CCNC: variants seen among roughly 807,000 people sequenced by gnomAD.
CCNC encodes the protein cyclin-C.
Under a neutral mutation model 50.0 loss-of-function variants are expected in CCNC, and 19 were observed. The ratio of observed to expected loss-of-function variants is 0.38; its 90% CI spans 0.27 to 0.56. CCNC has a LOEUF of 0.56. CCNC is among the 20% of genes least tolerant of loss of function. CCNC has a pLI of 0.72. For synonymous variants in CCNC, 93 were observed against 103.7 expected (o/e 0.90, Z 0.63); for missense variants, 200 against 327.1 (o/e 0.61, Z 3.00).
At chr6:99,544,474 C>T (rs796213175) in intron 11 of CCNC, among the ~76,000 whole-genome samples, 9 of 152,156 alleles carry the variant, frequency 5.9e-5, no homozygotes, top group African/African-American at 2.2e-4. Context: ...CTTTTTCTCC[C>T]TGCCCCAAAT....
In CCNC at chr6:99,545,242, T is replaced by A; in HGVS notation, c.679-12A>T. On this transcript the variant is annotated splice_polypyrimidine_tract_variant and intron_variant, in intron 10 of 11. Coordinates refer to ENST00000520429, the MANE Select transcript of CCNC (RefSeq NM_005190.4). ...ATTATTTCCAAAATCTAGAAGAAAA[T>A]ATTTGAAAAGTTCTCAGTGGCAAAA... 6.9e-7 allele frequency: 1 copy of A among 1,454,062 alleles called. No homozygotes were observed. The allele number at this position is 1,454,062 out of a possible 1,614,324, so 90.1% of individuals were successfully genotyped here.
chr6:99,546,788 A>T (rs1802089522), intron 9 of CCNC, among the ~76,000 whole-genome samples: 1 of 152,250 alleles, frequency 6.6e-6, no homozygotes, highest in African/African-American at 2.4e-5. Context: ...ATCCCTGAGT[A>T]GTGTACAAAG....
chr6:99,558,197 A>G (rs989559709), intron 5 of CCNC: 1 of 392,354 alleles, frequency 2.5e-6, no homozygotes, highest in Non-Finnish European at 4.5e-6. Context: ...AAAATACAAT[A>G]AAATTCGGAA....
chr6:99,563,090 G>A, intron 1 of CCNC, 142 bp from the exon 2 acceptor site: 1 of 607,722 alleles, frequency 1.6e-6, no homozygotes, highest in Non-Finnish European at 2.9e-6. Context: ...CTTGAAACGT[G>A]ACTAATAAGA....
upstream of CCNC, chr6:99,568,709 A>G (rs1295016887): frequency 2.8e-6 from 4 of 1,453,956 alleles, no homozygotes; most frequent in Middle Eastern, 1.9e-4. Flanking sequence ...CCGGCCGACA[A>G]CACTCAACTG....
At chr6:99,561,516 G>A in intron 3 of CCNC, 80 bp from the exon 4 acceptor site, 7 of 1,334,190 alleles carry the variant, frequency 5.2e-6, no homozygotes, top group Non-Finnish European at 7.4e-6. Context: ...CTCTATGGTA[G>A]ACACATGATT....
Position 99,551,906 on chromosome 6 carries a change from TAAA to T in CCNC, c.347-14_347-12del, listed in dbSNP as rs370442761. 1 of 1,325,994 alleles carries T rather than the reference TAAA, an allele frequency of 7.5e-7. No homozygotes were observed. The highest frequency in any genetic ancestry group is 2.8e-5 in the East Asian group (1 of 35,832). 82.1% of individuals were successfully genotyped at this position (1,325,994 alleles called of 1,614,324 possible). A position where few individuals can be genotyped will look rare whatever the true frequency, so the allele number is the denominator to read the frequency against. The stretch of plus-strand genomic sequence containing the variant: ...AAAATCTAGTTTTTACTGCAGAAAA[TAAA>T]AAAAAAATTTAAACTGAGAAAATGG... On this transcript the variant is annotated splice_polypyrimidine_tract_variant and intron_variant, in intron 5 of 11. Coordinates refer to ENST00000520429, the MANE Select transcript of CCNC (RefSeq NM_005190.4).
rs56223909 is a variant in CCNC at position 99,551,149 on chromosome 6, T to G, written c.403-121A>C. 1.5e-3 allele frequency: 636 copies of G among 425,662 alleles called. 1 individual carries two copies. Among genetic ancestry groups the G allele is most frequent in the Admixed American group, 2.5e-3 (52 of 20,530 alleles). The allele number at this position is 425,662 out of a possible 1,614,324, so 26.4% of individuals were successfully genotyped here. A position where few individuals can be genotyped will look rare whatever the true frequency, so the allele number is the denominator to read the frequency against. On this transcript the variant is annotated intron_variant, in intron 6 of 11. Transcript: ENST00000520429. Reference sequence around the variant, plus strand: ...TATCAAAAATTTTTACTAAAAAGTTTTAAAAATCCAGACAATAAACATAGT... The same window carrying G: ...TATCAAAAATTTTTACTAAAAAGTTGTAAAAATCCAGACAATAAACATAGT...
At chr6:99,559,633 A>G (rs796419884) in intron 4 of CCNC, among the ~76,000 whole-genome samples, 15 of 137,084 alleles carry the variant, frequency 1.1e-4, no homozygotes, top group African/African-American at 4.2e-4. Context: ...GAAAATACAG[A>G]AAGATTTGGT....
chr6:99,562,056 C>T (rs1260610566), intron 2 of CCNC: 1 of 153,782 alleles, frequency 6.5e-6, no homozygotes, highest in Non-Finnish European at 1.4e-5. Context: ...CTTGTTAATA[C>T]TACCACTTTT....
chr6:99,546,367 CCAAGTTTACATA>C lies in CCNC; in HGVS notation c.678+16_678+27del. 1 of 1,456,824 alleles carries C rather than the reference CCAAGTTTACATA, an allele frequency of 6.9e-7. No homozygotes were observed. The highest frequency in any genetic ancestry group is 9.6e-7 in the Non-Finnish European group (1 of 1,038,186). 90.2% of individuals were successfully genotyped at this position (1,456,824 alleles called of 1,614,324 possible). On this transcript the variant is annotated intron_variant, in intron 10 of 11. Transcript: ENST00000520429. ...AAATATGACATTAATTTTTAAACATCCAAGTTTACATACAACTAAGGGAATACCTTTTCCATA... is the reference window on the plus strand; with the variant it reads ...AAATATGACATTAATTTTTAAACATCCAACTAAGGGAATACCTTTTCCATA...
chr6:99,550,888 G>A, intron 7 of CCNC, 105 bp downstream of exon 7: 2 of 516,794 alleles, frequency 3.9e-6, no homozygotes, highest in South Asian at 3.4e-5. Context: ...CATATTAGGT[G>A]GATGGTTTTA....
At chr6:99,561,096 T>C (rs1307669526) in intron 4 of CCNC, among the ~76,000 whole-genome samples, 4 of 152,228 alleles carry the variant, frequency 2.6e-5, no homozygotes, top group Non-Finnish European at 5.9e-5. Flanking sequence ...TCTTCATCTC[T>C]GTCTCAGTTT....
At chr6:99,544,072 A>G in intron 11 of CCNC, 5 of 1,322,864 alleles carry the variant, frequency 3.8e-6, no homozygotes, top group Non-Finnish European at 4.9e-6. Context: ...ATATATAAAT[A>G]CAGCAAACCT....
chr6:99,545,828 A>G (rs923436793), intron 10 of CCNC, among the ~76,000 whole-genome samples: 1 of 152,216 alleles, frequency 6.6e-6, no homozygotes, highest in African/African-American at 2.4e-5. Flanking sequence ...AGTAGTATTC[A>G]GTGGTTACCA....
chr6:99,562,414 A>C (rs776571906), intron 2 of CCNC: 15 of 153,084 alleles, frequency 9.8e-5, no homozygotes, highest in Non-Finnish European at 2.0e-4. Context: ...AGTGAACCGA[A>C]AGTTAAAAAA....
intron 1 of CCNC, among the ~76,000 whole-genome samples, chr6:99,565,965 G>A (rs1769103025): frequency 6.6e-6 from 1 of 151,902 alleles, no homozygotes; most frequent in Admixed American, 6.6e-5. Flanking sequence ...TCTTCTTTCT[G>A]TATGAAATGG....
Position 99,545,209 on chromosome 6 carries a change from T to C in CCNC, c.700A>G (p.Ile234Val), listed in dbSNP as rs777157075. 1.3e-6 allele frequency: 2 copies of C among 1,577,788 alleles called. No homozygotes were observed. The highest frequency in any genetic ancestry group is 3.4e-5 in the Admixed American group (2 of 59,438). Residue 234 changes from isoleucine to valine, a missense_variant, in exon 11 of 12, where the codon ATT becomes GTT. Transcript: ENST00000520429. ...MEKILEIIRV[I>V]LKLYEQWKNF... ...TTCCACTGCTCATATAGTTTTAAAA[T>C]AACCCTGATTATTTCCAAAATCTAG...
At chr6:99,565,968 T>C (rs1183875704) in intron 1 of CCNC, among the ~76,000 whole-genome samples, 2 of 152,042 alleles carry the variant, frequency 1.3e-5, no homozygotes, top group East Asian at 1.9e-4. Flanking sequence ...TCTTTCTGTA[T>C]GAAATGGAAC....
Sources: gnomAD v4.1 joint callset for allele counts (sites outside exome capture counted in the v4.1 genomes callset) on GRCh38, gnomAD v4.1.1 for gene constraint, MANE v1.5 for transcripts, NCBI Gene and HGNC (gene_info 2026-07-23, HGNC 2026-07-21) for gene names.